The following ATPSCKMT variants were observed in gnomAD, a reference collection of about 807,000 sequenced individuals.
ATPSCKMT encodes the protein ATP synthase subunit C lysine N-methyltransferase.
Under a neutral mutation model 24.3 loss-of-function variants are expected in ATPSCKMT, and 24 were observed. That is an observed-to-expected ratio of 0.99 (90% confidence interval 0.71 to 1.39). The LOEUF is 1.39. Ranked by LOEUF, ATPSCKMT falls within the 40% of genes most tolerant of loss-of-function variation. ATPSCKMT has a pLI of 0.00. For synonymous variants in ATPSCKMT, 95 were observed against 110.5 expected, an observed-to-expected ratio of 0.86 and a Z score of 0.88; for missense variants, 311 against 298.4, an observed-to-expected ratio of 1.04 and a Z score of -0.31.
At chr5:10,245,487 T>C (rs571491617) in intron 1 of ATPSCKMT, among the ~76,000 whole-genome samples, 42 of 152,226 alleles carry the variant, frequency 2.8e-4, no homozygotes, top group Middle Eastern at 6.8e-3. Context: ...GGCTCATGCA[T>C]GTAATCCCAG....
chr5:10,231,702 C>A (rs1017547460), intron 4 of ATPSCKMT, among the ~76,000 whole-genome samples: 2 of 152,210 alleles, frequency 1.3e-5, no homozygotes, highest in African/African-American at 4.8e-5. Flanking sequence ...ACAGGCATCT[C>A]ATGTAATATC....
intron 4 of ATPSCKMT, among the ~76,000 whole-genome samples, chr5:10,228,112 T>C (rs1434943527): frequency 6.6e-6 from 1 of 152,220 alleles, no homozygotes; most frequent in African/African-American, 2.4e-5. Flanking sequence ...CCCAAAGTGC[T>C]GGGATGACAG....
At chr5:10,232,707 G>A (rs532058893) in intron 4 of ATPSCKMT, among the ~76,000 whole-genome samples, 6 of 152,220 alleles carry the variant, frequency 3.9e-5, no homozygotes, top group Non-Finnish European at 7.3e-5. Flanking sequence ...CCAGGGGGCC[G>A]AGAGAAGGAC....
intron 1 of ATPSCKMT, among the ~76,000 whole-genome samples, chr5:10,242,718 G>A (rs7719950): frequency 0.52 from 79,504 of 152,002 alleles, 22,502 homozygotes; most frequent in Non-Finnish European, 0.64. Context: ...CTAGCCTTAC[G>A]AAATGTATTT....
chr5:10,231,713 T>C (rs1744146746), intron 4 of ATPSCKMT, among the ~76,000 whole-genome samples: 1 of 152,150 alleles, frequency 6.6e-6, no homozygotes, highest in African/African-American at 2.4e-5. Context: ...ATGTAATATC[T>C]GCTCTCCCCA....
intron 1 of ATPSCKMT, chr5:10,244,392 T>C (rs1579433092): frequency 6.6e-6 from 1 of 152,310 alleles, no homozygotes; most frequent in Admixed American, 6.5e-5. Context: ...AACCTTCTGT[T>C]TGTAAGAAGC....
chr5:10,241,081 T>C (rs10076935), intron 1 of ATPSCKMT, among the ~76,000 whole-genome samples: 7,474 of 151,978 alleles, frequency 0.049, 648 homozygotes, highest in African/African-American at 0.17. Flanking sequence ...CAGGCCTGCG[T>C]TCCTTCTGGG....
chr5:10,234,399 G>T (rs1256397157), intron 4 of ATPSCKMT, among the ~76,000 whole-genome samples: 1 of 152,088 alleles, frequency 6.6e-6, no homozygotes, highest in Non-Finnish European at 1.5e-5. Context: ...GCATTATACT[G>T]AAGGTCTTAG....
At chr5:10,239,954 T>C (rs570417551) in intron 1 of ATPSCKMT, among the ~76,000 whole-genome samples, 19 of 152,036 alleles carry the variant, frequency 1.2e-4, no homozygotes, top group South Asian at 6.2e-4. Flanking sequence ...AGGCCGGGCG[T>C]GGTGGTTCAC....
chr5:10,239,057 CA>C lies in ATPSCKMT; in HGVS notation c.306+9del. ...GGTTTCAAACCTTAAAATGTTTTAG[CA>C]GAACTCACAATGCGTCCGTCCCCAC... On this transcript the variant is annotated intron_variant, in intron 2 of 4. Transcript: ENST00000511437. The C allele has an allele frequency of 6.2e-7, 1 of 1,608,154 alleles. No individual in the cohort carries two copies. Among genetic ancestry groups the C allele is most frequent in the Non-Finnish European group, 8.5e-7 (1 of 1,176,406 alleles).
At chr5:10,243,246 G>A (rs917845091) in intron 1 of ATPSCKMT, among the ~76,000 whole-genome samples, 5 of 152,210 alleles carry the variant, frequency 3.3e-5, no homozygotes, top group African/African-American at 1.2e-4. Context: ...AACACTTTGG[G>A]AGGCTGAGGT....
chr5:10,248,767 C>A (rs1745093921), intron 1 of ATPSCKMT, among the ~76,000 whole-genome samples: 1 of 152,190 alleles, frequency 6.6e-6, no homozygotes, highest in South Asian at 2.1e-4. Context: ...TTATTGAGTG[C>A]CTAATAAAGT....
chr5:10,228,755 A>G (rs560044709), intron 4 of ATPSCKMT, among the ~76,000 whole-genome samples: 9 of 152,092 alleles, frequency 5.9e-5, no homozygotes, highest in Non-Finnish European at 1.2e-4. Context: ...TCTTGGCTCA[A>G]TGCAACCTCC....
chr5:10,236,996 G>C, intron 2 of ATPSCKMT: 1 of 1,307,674 alleles, frequency 7.6e-7, no homozygotes, highest in African/African-American at 1.5e-5. Flanking sequence ...AAAGTGTCTG[G>C]GAGGATGGTT....
intron 1 of ATPSCKMT, among the ~76,000 whole-genome samples, chr5:10,241,903 T>A (rs1032540257): frequency 1.3e-5 from 2 of 152,242 alleles, no homozygotes; most frequent in Non-Finnish European, 2.9e-5. Flanking sequence ...AAACAATGTA[T>A]GTACCTTAAT....
In ATPSCKMT at chr5:10,227,497, C is replaced by G. The variant is rs577024168; in HGVS notation, c.646G>C (p.Gly216Arg). 6.2e-7 allele frequency: 1 copy of G among 1,614,210 alleles called. No homozygotes were observed. Among genetic ancestry groups the G allele is most frequent in the South Asian group, 1.1e-5 (1 of 91,086 alleles). ...GATGTACAGGGCCTCTTTTCACGGC[C>G]TCTAAAAGTGCTTGCATCATATGCC... ...VWAYDASTFR[G>R]REKRPCTSMH... Residue 216 changes from glycine to arginine, a missense_variant, in exon 5 of 5, where the codon GGC becomes CGC. Coordinates refer to ENST00000511437, the MANE Select transcript of ATPSCKMT (RefSeq NM_199133.4).
chr5:10,233,964 A>C (rs1199729466), intron 4 of ATPSCKMT, among the ~76,000 whole-genome samples: 1 of 152,230 alleles, frequency 6.6e-6, no homozygotes, highest in African/African-American at 2.4e-5. Context: ...AAAAGGCTGA[A>C]TACCAAAGTT....
intron 3 of ATPSCKMT, 87 bp downstream of exon 3, chr5:10,236,387 TTTAA>T: frequency 7.1e-7 from 1 of 1,403,840 alleles, no homozygotes. Flanking sequence ...TTATTTTTCT[TTTAA>T]TACATTTTTC....
At chr5:10,239,400 T>G (rs1443742741) in intron 1 of ATPSCKMT, 44 bp from the exon 2 acceptor site, 2 of 1,527,154 alleles carry the variant, frequency 1.3e-6, no homozygotes, top group South Asian at 1.2e-5. Flanking sequence ...GCACCAAATC[T>G]GAAATCCAAG....
Sources: allele counts gnomAD v4.1 joint callset (sites outside exome capture counted in the v4.1 genomes callset), GRCh38; gene constraint gnomAD v4.1.1; transcripts MANE v1.5; gene names NCBI Gene and HGNC (gene_info 2026-07-23, HGNC 2026-07-21).